Variants in TAFA5 observed in about 807,000 individuals in gnomAD.
The protein encoded by TAFA5 is TAFA chemokine like family member 5, also known as chemokine-like protein TAFA-5.
In TAFA5, 6 loss-of-function variants were observed where a neutral mutation model predicts 15.3. That is an observed-to-expected ratio of 0.39 (90% CI 0.21 to 0.77). TAFA5 has a LOEUF of 0.77. Ranked by LOEUF, TAFA5 falls within the 30% of genes least tolerant of loss-of-function variation. The probability of loss-of-function intolerance (pLI) is 0.41; values close to 1 mark genes in which losing one functional copy is unlikely to be tolerated. For missense variants in TAFA5, 161 were observed against 193.1 expected (o/e 0.83, Z 0.98); for synonymous variants, 103 against 80.7 (o/e 1.28, Z -1.48).
At chr22:48,745,049 C>G (rs537074856) in intron 3 of TAFA5, among the ~76,000 whole-genome samples, 6 of 152,336 alleles carry the variant, frequency 3.9e-5, no homozygotes, top group African/African-American at 1.4e-4. Context: ...AGCCACTGCG[C>G]CCGGCAGGAG....
At chr22:48,574,056 G>A (rs1023319070) in intron 1 of TAFA5, among the ~76,000 whole-genome samples, 3 of 152,006 alleles carry the variant, frequency 2.0e-5, no homozygotes, top group African/African-American at 7.3e-5. Flanking sequence ...GGGTTCCTGA[G>A]GAGCTGCTAC....
chr22:48,707,736 G>A lies in TAFA5; in HGVS notation c.282G>A (p.Lys94=). Residue 94 remains lysine (K), a synonymous_variant, in exon 3 of 4, where the codon AAG becomes AAA. Transcript: ENST00000402357. ...CCACAGCAAGAATCATCAAGACCAAGCAGTGGTGTGACATGCTTCCGTGTC... is the reference window on the plus strand; with the variant it reads ...CCACAGCAAGAATCATCAAGACCAAACAGTGGTGTGACATGCTTCCGTGTC... ...ACVDARIIKT[K]QWCDMLPCLE... 6.2e-7 allele frequency: 1 copy of A among 1,613,952 alleles called. No individual in the cohort carries two copies. The highest frequency in any genetic ancestry group is 1.1e-5 in the South Asian group (1 of 91,084).
intron 1 of TAFA5, among the ~76,000 whole-genome samples, chr22:48,596,831 CAG>C (rs1435751395): frequency 4.6e-5 from 7 of 152,214 alleles, no homozygotes; most frequent in South Asian, 2.1e-4. Flanking sequence ...GTTTTTGAGA[CAG>C]GGTCTCCTTC....
chr22:48,709,883 G>A (rs1051755903), intron 3 of TAFA5, among the ~76,000 whole-genome samples: 1 of 152,268 alleles, frequency 6.6e-6, no homozygotes, highest in African/African-American at 2.4e-5. Context: ...CGAGGTGCTT[G>A]TCAGGAACAG....
chr22:48,542,563 TG>T (rs1555886620), intron 1 of TAFA5, among the ~76,000 whole-genome samples: 25 of 25,808 alleles, frequency 9.7e-4, no homozygotes, highest in African/African-American at 5.6e-3. Flanking sequence ...TATGTGTGTG[TG>T]GTGTGTGTGG....
At chr22:48,536,980 G>T (rs1328677487) in intron 1 of TAFA5, among the ~76,000 whole-genome samples, 1 of 152,184 alleles carries the variant, frequency 6.6e-6, no homozygotes, top group Admixed American at 6.5e-5. Flanking sequence ...CCTGGGACGG[G>T]GGCTCCCTCT....
chr22:48,630,210 G>A (rs749165274), intron 1 of TAFA5, among the ~76,000 whole-genome samples: 1 of 152,122 alleles, frequency 6.6e-6, no homozygotes, highest in Non-Finnish European at 1.5e-5. Context: ...TCTAAATAGG[G>A]GGCTCTGCTT....
chr22:48,559,428 G>C (rs1923150448), intron 1 of TAFA5, among the ~76,000 whole-genome samples: 2 of 152,304 alleles, frequency 1.3e-5, no homozygotes, highest in Admixed American at 1.3e-4. Flanking sequence ...CCTGAGATGA[G>C]CCGGGTAACC....
intron 3 of TAFA5, among the ~76,000 whole-genome samples, chr22:48,738,313 C>A (rs1352249369): frequency 6.6e-6 from 1 of 152,168 alleles, no homozygotes; most frequent in Non-Finnish European, 1.5e-5. Context: ...CTTAAAGGTA[C>A]CACTGCGTGG....
intron 3 of TAFA5, among the ~76,000 whole-genome samples, chr22:48,741,228 C>G (rs949599096): frequency 1.3e-5 from 2 of 152,118 alleles, no homozygotes; most frequent in Non-Finnish European, 2.9e-5. Flanking sequence ...TCCCACACTG[C>G]GAAGCCGGAG....
At chr22:48,660,395 A>T (rs55923550) in intron 2 of TAFA5, among the ~76,000 whole-genome samples, 1 of 152,062 alleles carries the variant, frequency 6.6e-6, no homozygotes, top group East Asian at 1.9e-4. Flanking sequence ...TGGTGTGAAC[A>T]TTTTCTTTAT....
intron 2 of TAFA5, among the ~76,000 whole-genome samples, chr22:48,682,834 A>G (rs1928236951): frequency 6.6e-6 from 1 of 152,006 alleles, no homozygotes; most frequent in African/African-American, 2.4e-5. Flanking sequence ...TTCTAAAGCC[A>G]GGCTCCTAGT....
At chr22:48,604,379 G>A (rs1925082864) in intron 1 of TAFA5, among the ~76,000 whole-genome samples, 1 of 152,228 alleles carries the variant, frequency 6.6e-6, no homozygotes, top group African/African-American at 2.4e-5. Flanking sequence ...AGATTCCACG[G>A]TGTTTTCTCA....
intron 3 of TAFA5, among the ~76,000 whole-genome samples, chr22:48,735,322 G>A (rs369776328): frequency 2.6e-5 from 4 of 152,204 alleles, no homozygotes; most frequent in Admixed American, 6.5e-5. Flanking sequence ...AGATCACAGC[G>A]TGGGGAGCAG....
At chr22:48,553,228 T>C (rs888249613) in intron 1 of TAFA5, among the ~76,000 whole-genome samples, 5 of 152,090 alleles carry the variant, frequency 3.3e-5, no homozygotes, top group Non-Finnish European at 5.9e-5. Context: ...CCCCCCGCTC[T>C]GTGCCCCTCC....
Position 48,693,236 on chromosome 22 carries a change from A to T in TAFA5, c.263-14481A>T, listed in dbSNP as rs2147239775. 23 of 1,501,426 alleles carry T rather than the reference A, an allele frequency of 1.5e-5. No individual in the cohort carries two copies. The South Asian group carries it at 2.5e-4, about 16-fold the overall frequency. 93.0% of individuals were successfully genotyped at this position (1,501,426 alleles called of 1,614,324 possible). A position where few individuals can be genotyped will look rare whatever the true frequency, so the allele number is the denominator to read the frequency against. ...CTCGTCCTCAGAGCAGCCTGGCAGG[A>T]TGAGTCCAGAGCCATGAAAATGCTC... On this transcript the variant is annotated intron_variant, in intron 2 of 3. Coordinates refer to ENST00000402357, the MANE Select transcript of TAFA5 (RefSeq NM_001082967.3).
chr22:48,735,285 C>G (rs1275481556), intron 3 of TAFA5, among the ~76,000 whole-genome samples: 1 of 152,224 alleles, frequency 6.6e-6, no homozygotes, highest in African/African-American at 2.4e-5. Flanking sequence ...GTAGGACAGT[C>G]CAGTCACATG....
At chr22:48,553,684 G>A (rs1056702314) in intron 1 of TAFA5, among the ~76,000 whole-genome samples, 13 of 152,188 alleles carry the variant, frequency 8.5e-5, no homozygotes, top group African/African-American at 2.9e-4. Context: ...CATGCCTGCC[G>A]TGGTGCAGGC....
intron 2 of TAFA5, among the ~76,000 whole-genome samples, chr22:48,703,459 T>C (rs972407410): frequency 3.9e-5 from 6 of 152,170 alleles, no homozygotes; most frequent in African/African-American, 1.4e-4. Context: ...AGGGTGTGTG[T>C]CCAAGATGCT....
Sources: gnomAD v4.1 joint callset for allele counts (sites outside exome capture counted in the v4.1 genomes callset) on GRCh38, gnomAD v4.1.1 for gene constraint, MANE v1.5 for transcripts, NCBI Gene and HGNC (gene_info 2026-07-23, HGNC 2026-07-21) for gene names.